The following HSD17B4 variants were observed in gnomAD, a reference collection of about 807,000 sequenced individuals.
HSD17B4 encodes peroxisomal multifunctional enzyme type 2.
Under a neutral mutation model 101.0 loss-of-function variants are expected in HSD17B4, and 70 were observed. The ratio of observed to expected loss-of-function variants is 0.69; its 90% CI spans 0.57 to 0.85. The LOEUF (loss-of-function observed/expected upper bound fraction) is 0.85. HSD17B4 is among the 40% of genes least tolerant of loss of function. The pLI is 0.00. For missense variants in HSD17B4, 984 were observed against 892.4 expected (o/e 1.10, Z -1.31); for synonymous variants, 347 against 297.1 (o/e 1.17, Z -1.73).
At chr5:119,537,332 CT>C (rs1046569007) in intron 23 of HSD17B4, among the ~76,000 whole-genome samples, 5 of 152,104 alleles carry the variant, frequency 3.3e-5, no homozygotes, top group African/African-American at 1.2e-4. Context: ...AATCTTGCCC[CT>C]GTCACTTCAT....
rs575681030 is a variant in HSD17B4 at position 119,535,761 on chromosome 5, G to T, written c.1994-662G>T. 3 of 150,732 alleles carry T rather than the reference G, an allele frequency of 2.0e-5. No homozygotes were observed. In the East Asian group the frequency reaches 5.8e-4, roughly 29 times the overall value. 9.3% of individuals were successfully genotyped at this position (150,732 alleles called of 1,614,324 possible). ...AATTCCTAAGTATTTTCTCTTCAAGGAAGTATAGGGGATACAAAGACAAAA... is the reference window on the plus strand; with the variant it reads ...AATTCCTAAGTATTTTCTCTTCAAGTAAGTATAGGGGATACAAAGACAAAA... On this transcript the variant is annotated intron_variant, in intron 22 of 23. Transcript: ENST00000510025.
intron 22 of HSD17B4, among the ~76,000 whole-genome samples, chr5:119,534,316 A>G (rs894225211): frequency 1.3e-5 from 2 of 152,096 alleles, no homozygotes; most frequent in African/African-American, 4.8e-5. Context: ...GGCACGTACT[A>G]TAATTAGTTG....
chr5:119,460,498 T>G (rs1755120390), intron 2 of HSD17B4, among the ~76,000 whole-genome samples: 1 of 152,204 alleles, frequency 6.6e-6, no homozygotes, highest in Admixed American at 6.5e-5. Flanking sequence ...AAATTTAGAG[T>G]AGCTCTTAGC....
At chr5:119,526,773 C>T (rs1164397485) in intron 19 of HSD17B4, among the ~76,000 whole-genome samples, 1 of 151,774 alleles carries the variant, frequency 6.6e-6, no homozygotes, top group South Asian at 2.1e-4. Flanking sequence ...CATACTCACC[C>T]CAGGCCTCAT....
chr5:119,490,231 G>A (rs1749979864), intron 9 of HSD17B4, among the ~76,000 whole-genome samples: 1 of 152,166 alleles, frequency 6.6e-6, no homozygotes, highest in African/African-American at 2.4e-5. Flanking sequence ...GCCATTGGGT[G>A]TGAATTGTGG....
intron 14 of HSD17B4, 58 bp downstream of exon 14, chr5:119,502,150 T>A: frequency 9.2e-7 from 1 of 1,089,148 alleles, no homozygotes; most frequent in African/African-American, 1.5e-5. Flanking sequence ...GATTAACCTT[T>A]TAAACAACAT....
chr5:119,511,348 C>G (rs898179131), intron 16 of HSD17B4, among the ~76,000 whole-genome samples: 10 of 151,996 alleles, frequency 6.6e-5, no homozygotes, highest in African/African-American at 2.4e-4. Flanking sequence ...AAAGTGTAGC[C>G]CAGCTAGACA....
intron 2 of HSD17B4, chr5:119,464,488 A>G (rs1054579489): frequency 1.3e-5 from 2 of 152,190 alleles, no homozygotes; most frequent in African/African-American, 4.8e-5. Context: ...GTAGAAAATC[A>G]ACTGGTTTTA....
chr5:119,511,718 A>T (rs1752187565), intron 16 of HSD17B4, among the ~76,000 whole-genome samples: 1 of 152,190 alleles, frequency 6.6e-6, no homozygotes, highest in Non-Finnish European at 1.5e-5. Flanking sequence ...GGGAGAATAG[A>T]CTCACATGTA....
chr5:119,479,000 A>G lies in HSD17B4; in HGVS notation c.601A>G (p.Thr201Ala). 2.5e-6 allele frequency: 4 copies of G among 1,613,456 alleles called. No individual in the cohort carries two copies. Among genetic ancestry groups the G allele is most frequent in the Non-Finnish European group, 3.4e-6 (4 of 1,179,502 alleles). The part of the protein sequence containing the change: ...TIAPNAGSRM[T>A]QTVMPEDLVE... ...TGCTCCTAATGCGGGATCACGGATGACTCAGACAGTTATGCCTGAAGGTAA... is the reference window on the plus strand; with the variant it reads ...TGCTCCTAATGCGGGATCACGGATGGCTCAGACAGTTATGCCTGAAGGTAA... Residue 201 changes from threonine (T) to alanine (A), a missense_variant, in exon 8 of 24, where the codon ACT (threonine) becomes GCT (alanine). By Grantham distance (58) the Thr-to-Ala change is moderately conservative. Coordinates refer to ENST00000510025, the MANE Select transcript of HSD17B4 (RefSeq NM_000414.4).
chr5:119,498,907 G>A (rs1750894769), intron 12 of HSD17B4, among the ~76,000 whole-genome samples: 1 of 152,004 alleles, frequency 6.6e-6, no homozygotes. Flanking sequence ...ACCATTATGA[G>A]GCAATCAAAT....
At position 119,474,445 on chromosome 5, in the gene HSD17B4, G is replaced by A. The variant is rs1325676674; in HGVS notation, c.265G>A (p.Ala89Thr). The A allele has an allele frequency of 1.9e-6, 3 of 1,603,770 alleles. No individual in the cohort carries two copies. The highest frequency in any genetic ancestry group is 1.7e-6 in the Non-Finnish European group (2 of 1,170,680). The part of the protein sequence containing the change: ...GEKVVKTALD[A>T]FGRIDVVVNN... Reference sequence around the variant, plus strand: ...GAAGGTTGTGAAGACAGCCCTGGATGCTTTTGGAAGAATAGGTGATGTTTC... The same window carrying A: ...GAAGGTTGTGAAGACAGCCCTGGATACTTTTGGAAGAATAGGTGATGTTTC... The change falls in exon 4 of 24, where the codon GCT (alanine) becomes ACT (threonine). Residue 89 changes from alanine (A) to threonine (T), a missense_variant. Ala to Thr is a moderately conservative substitution (Grantham distance 58). Transcript: ENST00000510025.
chr5:119,489,307 C>T, intron 9 of HSD17B4, 24 bp downstream of exon 9: 3 of 1,488,566 alleles, frequency 2.0e-6, no homozygotes, highest in South Asian at 2.3e-5. Context: ...CCTGTTTTCT[C>T]TTATTAGTTT....
chr5:119,507,020 A>G, intron 15 of HSD17B4, 131 bp downstream of exon 15: 6 of 562,552 alleles, frequency 1.1e-5, no homozygotes, highest in Non-Finnish European at 1.9e-5. Context: ...CAAGATAAGC[A>G]TTTTTAAACT....
chr5:119,477,687 G>C, intron 7 of HSD17B4, 186 bp downstream of exon 7: 1 of 597,432 alleles, frequency 1.7e-6, no homozygotes. Context: ...CAGATTGGCT[G>C]AGCTGGAAAG....
In HSD17B4 at chr5:119,489,214, A is replaced by G. The variant is rs1749876910; in HGVS notation, c.645A>G (p.Pro215=). 6 of 1,611,576 alleles carry G rather than the reference A, an allele frequency of 3.7e-6. No homozygotes were observed. Among genetic ancestry groups the G allele is most frequent in the African/African-American group, 1.3e-5 (1 of 74,936 alleles). Residue 215 remains proline (P), a synonymous_variant, in exon 9 of 24, where the codon CCA becomes CCG. Coordinates refer to ENST00000510025, the MANE Select transcript of HSD17B4 (RefSeq NM_000414.4). ...MPEDLVEALK[P]EYVAPLVLWL... is the part of the protein sequence containing the mutation. ...CAGATCTTGTGGAAGCCCTGAAGCC[A>G]GAGTATGTGGCACCTCTTGTCCTTT...
At chr5:119,492,840 T>A (rs946790376) in intron 10 of HSD17B4, 1 of 152,126 alleles carries the variant, frequency 6.6e-6, no homozygotes, top group African/African-American at 2.4e-5. Context: ...ATTAAAAAAA[T>A]TGTGAAAATT....
At chr5:119,462,975 A>T (rs1561430469) in intron 2 of HSD17B4, among the ~76,000 whole-genome samples, 1 of 152,282 alleles carries the variant, frequency 6.6e-6, no homozygotes, top group East Asian at 1.9e-4. Context: ...GTAATTTTGT[A>T]TTGGTTAATC....
intron 16 of HSD17B4, among the ~76,000 whole-genome samples, chr5:119,513,724 A>G (rs1056197520): frequency 6.6e-6 from 1 of 152,282 alleles, no homozygotes; most frequent in African/African-American, 2.4e-5. Context: ...TTCTCTAAGC[A>G]CTTATCACAA....
Sources: gnomAD v4.1 joint callset for allele counts (sites outside exome capture counted in the v4.1 genomes callset) on GRCh38, gnomAD v4.1.1 for gene constraint, MANE v1.5 for transcripts, NCBI Gene and HGNC (gene_info 2026-07-23, HGNC 2026-07-21) for gene names.